Variants in ANKRD33B observed in about 807,000 individuals in gnomAD.
ANKRD33B encodes the protein ankyrin repeat domain 33B.
In ANKRD33B, 6 loss-of-function variants were observed where a neutral mutation model predicts 21.5. The observed-to-expected ratio is 0.28, with a 90% confidence interval of 0.15 to 0.55. The LOEUF (loss-of-function observed/expected upper bound fraction) is 0.55. ANKRD33B is among the 20% of genes least tolerant of loss of function. ANKRD33B has a pLI of 0.94. For missense variants in ANKRD33B, 698 were observed against 747.2 expected (o/e 0.93, Z 0.77); for synonymous variants, 347 against 342.4 (o/e 1.01, Z -0.15).
chr5:10,566,074 C>G (rs1735046897), intron 1 of ANKRD33B, among the ~76,000 whole-genome samples: 1 of 152,150 alleles, frequency 6.6e-6, no homozygotes, highest in South Asian at 2.1e-4. Context: ...TACCTCCCAC[C>G]GTGTCCCTCC....
intron 1 of ANKRD33B, among the ~76,000 whole-genome samples, chr5:10,612,381 C>A (rs550308338): frequency 6.6e-6 from 1 of 152,198 alleles, no homozygotes; most frequent in African/African-American, 2.4e-5. Flanking sequence ...TCTGGGTCCT[C>A]TTGTATAAGG....
At chr5:10,572,081 G>A (rs565163207) in intron 1 of ANKRD33B, among the ~76,000 whole-genome samples, 106 of 152,180 alleles carry the variant, frequency 7.0e-4, no homozygotes, top group African/African-American at 2.4e-3. Context: ...TAGAGATGGG[G>A]TTTTACCATG....
At chr5:10,592,698 G>C (rs907863201) in intron 1 of ANKRD33B, among the ~76,000 whole-genome samples, 1 of 151,926 alleles carries the variant, frequency 6.6e-6, no homozygotes, top group Non-Finnish European at 1.5e-5. Context: ...GAGACCCCAG[G>C]CTTCTTGGCC....
At chr5:10,645,092 G>T (rs58119035) in intron 3 of ANKRD33B, among the ~76,000 whole-genome samples, 4 of 151,810 alleles carry the variant, frequency 2.6e-5, no homozygotes, top group African/African-American at 9.7e-5. Flanking sequence ...GCTATGTGGT[G>T]GGGGTGGCTT....
At chr5:10,645,257 A>G (rs973900175) in intron 3 of ANKRD33B, among the ~76,000 whole-genome samples, 1 of 152,096 alleles carries the variant, frequency 6.6e-6, no homozygotes, top group Non-Finnish European at 1.5e-5. Flanking sequence ...TGGCCAGGAA[A>G]GGCCCCCTGG....
Position 10,628,639 on chromosome 5 carries a change from C to A in ANKRD33B, c.497-9389C>A, listed in dbSNP as rs1736635585. ...TTACAGGCACGAGCCACCTTGCCCA[C>A]CCTGATACTTTCAATAAATAAACTT... On this transcript the variant is annotated intron_variant, in intron 2 of 3. Transcript: ENST00000296657. Among the ~76,000 whole-genome samples, 2 of 152,170 alleles carry A rather than the reference C, an allele frequency of 1.3e-5. 1 individual carries two copies. The highest frequency in any genetic ancestry group is 4.1e-4 in the South Asian group (2 of 4,836).
At chr5:10,584,112 G>A (rs1735503781) in intron 1 of ANKRD33B, among the ~76,000 whole-genome samples, 2 of 152,200 alleles carry the variant, frequency 1.3e-5, no homozygotes, top group East Asian at 3.8e-4. Context: ...AGGGGCCAGA[G>A]ATGACTGTTT....
chr5:10,597,578 C>T (rs1196509424), intron 1 of ANKRD33B, among the ~76,000 whole-genome samples: 3 of 152,164 alleles, frequency 2.0e-5, no homozygotes, highest in African/African-American at 7.2e-5. Flanking sequence ...CTTAGACTCC[C>T]ACACAATAAT....
Position 10,648,684 on chromosome 5 carries a change from G to A in ANKRD33B, c.638-582G>A, listed in dbSNP as rs1007667266. 2.6e-5 allele frequency among the ~76,000 whole-genome samples: 4 copies of A among 151,548 alleles called. No individual in the cohort carries two copies. The South Asian group carries it at 8.4e-4, about 32-fold the overall frequency. On this transcript the variant is annotated intron_variant, in intron 3 of 3. Coordinates refer to ENST00000296657, the MANE Select transcript of ANKRD33B (RefSeq NM_001164440.2). ...TGAGGCAGGAGAGTCGCTTGAACCCGGGAGGCAGAGGTTGCGGTGAACGGA... is the reference window on the plus strand; with the variant it reads ...TGAGGCAGGAGAGTCGCTTGAACCCAGGAGGCAGAGGTTGCGGTGAACGGA...
intron 1 of ANKRD33B, among the ~76,000 whole-genome samples, chr5:10,568,610 C>A (rs985505015): frequency 2.0e-5 from 3 of 152,260 alleles, no homozygotes; most frequent in African/African-American, 7.2e-5. Flanking sequence ...TCTCTGCTCA[C>A]TGCAACCTCC....
chr5:10,648,795 A>G (rs945485685), intron 3 of ANKRD33B, among the ~76,000 whole-genome samples: 2 of 151,942 alleles, frequency 1.3e-5, no homozygotes, highest in African/African-American at 4.8e-5. Flanking sequence ...TGCTGAATTC[A>G]GGCGGGGTTT....
At chr5:10,636,638 G>A (rs1736873781) in intron 2 of ANKRD33B, among the ~76,000 whole-genome samples, 1 of 152,104 alleles carries the variant, frequency 6.6e-6, no homozygotes, top group Admixed American at 6.5e-5. Flanking sequence ...AAAAGGATGG[G>A]AACTGGGTAC....
At chr5:10,640,505 C>G (rs1405060380) in intron 3 of ANKRD33B, among the ~76,000 whole-genome samples, 1 of 152,222 alleles carries the variant, frequency 6.6e-6, no homozygotes, top group Non-Finnish European at 1.5e-5. Flanking sequence ...CAATGATCAT[C>G]CTTCGTGCAA....
intron 2 of ANKRD33B, among the ~76,000 whole-genome samples, chr5:10,623,303 C>G (rs888218731): frequency 2.0e-5 from 3 of 152,164 alleles, no homozygotes; most frequent in Non-Finnish European, 4.4e-5. Context: ...AGGTGTAATA[C>G]CCCATCCTCC....
rs1000381154 is a variant in ANKRD33B at position 10,564,108 on chromosome 5, G to C, written c.-360G>C. 1.3e-5 allele frequency among the ~76,000 whole-genome samples: 2 copies of C among 152,222 alleles called. No individual in the cohort carries two copies. Among genetic ancestry groups the C allele is most frequent in the East Asian group, 3.9e-4 (2 of 5,140 alleles). The stretch of plus-strand genomic sequence containing the variant: ...GCTTCTCCCGCGCCAGCTGTCCCCA[G>C]CTCTGGGGCAACGCTGCCAGGTGCC... On this transcript the variant is annotated 5_prime_UTR_variant, in exon 1 of 4. Coordinates refer to ENST00000296657, the MANE Select transcript of ANKRD33B (RefSeq NM_001164440.2).
intron 2 of ANKRD33B, chr5:10,625,133 A>G (rs759164122): frequency 4.7e-6 from 1 of 211,368 alleles, no homozygotes; most frequent in Non-Finnish European, 9.8e-6. Context: ...GCATGTGTTC[A>G]TGACTTTCCT....
At chr5:10,574,120 A>G (rs975675112) in intron 1 of ANKRD33B, among the ~76,000 whole-genome samples, 1 of 152,236 alleles carries the variant, frequency 6.6e-6, no homozygotes, top group Non-Finnish European at 1.5e-5. Context: ...ACACACATAC[A>G]CACATATCAT....
chr5:10,592,740 A>G (rs1579721863), intron 1 of ANKRD33B, among the ~76,000 whole-genome samples: 1 of 152,042 alleles, frequency 6.6e-6, no homozygotes, highest in Non-Finnish European at 1.5e-5. Flanking sequence ...GTCTCTTGCC[A>G]CTGTTCCCAC....
chr5:10,630,597 G>C (rs1265997583), intron 2 of ANKRD33B, among the ~76,000 whole-genome samples: 1 of 152,194 alleles, frequency 6.6e-6, no homozygotes, highest in African/African-American at 2.4e-5. Context: ...ATACAAAAGA[G>C]GCCATGTTCC....
Sources: gnomAD v4.1 joint callset for allele counts (sites outside exome capture counted in the v4.1 genomes callset) on GRCh38, gnomAD v4.1.1 for gene constraint, MANE v1.5 for transcripts, NCBI Gene and HGNC (gene_info 2026-07-23, HGNC 2026-07-21) for gene names.